Variants in EIF4A2 observed in about 807,000 individuals in gnomAD.
EIF4A2 encodes the protein eukaryotic translation initiation factor 4A2, also known as eukaryotic initiation factor 4A-II.
A neutral mutation model predicts 50.6 loss-of-function variants in EIF4A2; 9 were observed. The ratio of observed to expected loss-of-function variants is 0.18; its 90% confidence interval spans 0.11 to 0.31. EIF4A2 has a LOEUF of 0.31. Ranked by LOEUF, EIF4A2 falls within the 10% of genes least tolerant of loss-of-function variation. EIF4A2 has a pLI of 1.00. For missense variants in EIF4A2, 182 were observed against 501.8 expected, an observed-to-expected ratio of 0.36 and a Z score of 6.09; for synonymous variants, 215 against 164.4, an observed-to-expected ratio of 1.31 and a Z score of -2.35.
Position 186,785,062 on chromosome 3 carries a change from A to G in EIF4A2, c.309A>G (p.Gln103=), listed in dbSNP as rs753306564. The change falls in exon 4 of 11, where the codon CAA becomes CAG. Residue 103 remains glutamine, a synonymous_variant. Coordinates refer to ENST00000323963, the MANE Select transcript of EIF4A2 (RefSeq NM_001967.4). ...TGGAGATTGAGTTCAAGGAGACCCAAGCACTAGTATTGGCCCCCACCAGAG... is the reference window on the plus strand; with the variant it reads ...TGGAGATTGAGTTCAAGGAGACCCAGGCACTAGTATTGGCCCCCACCAGAG... The part of the protein sequence containing the change: ...QQLEIEFKET[Q]ALVLAPTREL... 3 of 1,614,192 alleles carry G rather than the reference A, an allele frequency of 1.9e-6. No individual in the cohort carries two copies. Among genetic ancestry groups the G allele is most frequent in the South Asian group, 2.2e-5 (2 of 91,076 alleles).
intron 8 of EIF4A2, 38 bp downstream of exon 8, chr3:186,787,302 G>A: frequency 1.2e-6 from 2 of 1,613,976 alleles, no homozygotes; most frequent in East Asian, 4.5e-5. Flanking sequence ...TTCCACTAAA[G>A]CAGGATTCAG....
intron 10 of EIF4A2, chr3:186,788,646 C>T (rs981590425): frequency 3.9e-5 from 9 of 228,322 alleles, no homozygotes; most frequent in Non-Finnish European, 5.2e-5. Context: ...GTTTGGGTTA[C>T]CATACCAAAT....
chr3:186,788,409 A>G (rs747922491), intron 10 of EIF4A2: 4 of 1,276,488 alleles, frequency 3.1e-6, no homozygotes, highest in Non-Finnish European at 4.1e-6. Context: ...TGTTTGAATA[A>G]AGAGCGAGTC....
At chr3:186,784,399 A>AGGG in intron 1 of EIF4A2, 33 bp from the exon 2 acceptor site, 1 of 1,614,164 alleles carries the variant, frequency 6.2e-7, no homozygotes. Flanking sequence ...GTGGCCTGGA[A>AGGG]GGGGTGTCTG....
chr3:186,784,338 T>C, intron 1 of EIF4A2, 94 bp from the exon 2 acceptor site: 2 of 1,579,962 alleles, frequency 1.3e-6, no homozygotes, highest in African/African-American at 1.3e-5. Context: ...CAGGGGAGGC[T>C]AACGTGCTGA....
intron 4 of EIF4A2, 67 bp downstream of exon 4, chr3:186,785,168 A>G: frequency 6.3e-7 from 1 of 1,591,872 alleles, no homozygotes; most frequent in South Asian, 1.1e-5. Context: ...ACAACTGTGA[A>G]GAATTTAAAA....
At chr3:186,787,921 A>G (rs779014864) in intron 10 of EIF4A2, 39 bp downstream of exon 10, 2 of 1,601,460 alleles carry the variant, frequency 1.2e-6, no homozygotes, top group South Asian at 1.1e-5. Context: ...AAAAAAATTC[A>G]TACGTTTTTC....
At chr3:186,786,414 G>A (rs62294447) in intron 6 of EIF4A2, 88 bp from the exon 7 acceptor site, 33,505 of 1,558,676 alleles carry the variant, frequency 0.021, 471 homozygotes, top group Non-Finnish European at 0.024. Flanking sequence ...CCTTCATTCC[G>A]TAGTAAGACA....
chr3:186,784,130 C>G (rs1183788191), intron 1 of EIF4A2: 5 of 513,486 alleles, frequency 9.7e-6, no homozygotes, highest in African/African-American at 5.7e-5. Flanking sequence ...GCCGCTCCGC[C>G]CGCGTCAATC....
intron 1 of EIF4A2, chr3:186,784,127 C>T: frequency 2.0e-6 from 1 of 509,114 alleles, no homozygotes; most frequent in Non-Finnish European, 3.5e-6. Flanking sequence ...CAGGCCGCTC[C>T]GCCCGCGTCA....
chr3:186,786,419 A>C, intron 6 of EIF4A2, 83 bp from the exon 7 acceptor site: 2 of 1,562,634 alleles, frequency 1.3e-6, no homozygotes, highest in Non-Finnish European at 1.7e-6. Flanking sequence ...ATTCCGTAGT[A>C]AGACAGAGAC....
At chr3:186,787,396 C>T in intron 8 of EIF4A2, 99 bp from the exon 9 acceptor site, 1 of 1,598,476 alleles carries the variant, frequency 6.3e-7, no homozygotes, top group Admixed American at 1.7e-5. Context: ...GTCTGCTATT[C>T]TCCTGTAGCA....
intron 10 of EIF4A2, 168 bp downstream of exon 10, chr3:186,788,050 G>T: frequency 1.2e-6 from 1 of 810,408 alleles, no homozygotes; most frequent in Non-Finnish European, 1.9e-6. Context: ...GAACAAAGTG[G>T]GAAAACTTGT....
intron 10 of EIF4A2, 151 bp downstream of exon 10, chr3:186,788,033 T>C (rs560476145): frequency 3.4e-5 from 30 of 882,128 alleles, no homozygotes; most frequent in Middle Eastern, 2.7e-4. Context: ...CTAGGGAAGG[T>C]TGATGAGAAC....
In EIF4A2 at chr3:186,787,105, C is replaced by CT. The variant is rs758402717; in HGVS notation, c.772-19dup. The CT allele has an allele frequency of 1.2e-5, 20 of 1,612,054 alleles. No individual in the cohort carries two copies. The African/African-American group carries it at 1.9e-4, about 15-fold the overall frequency. The stretch of plus-strand genomic sequence containing the variant: ...GTTGGAAAAACTAAATGACTGTTAA[C>CT]TTTAACTTCTAAACATTACAGGAAT... On this transcript the variant is annotated intron_variant, in intron 7 of 10. Transcript: ENST00000323963.
intron 1 of EIF4A2, chr3:186,783,840 C>CTTT: frequency 1.3e-6 from 1 of 778,136 alleles, no homozygotes; most frequent in Non-Finnish European, 2.0e-6. Context: ...AAAGCAGTGG[C>CTTT]TAAAGGGCGT....
intron 10 of EIF4A2, 55 bp from the exon 11 acceptor site, chr3:186,789,066 ATGTT>A: frequency 6.4e-7 from 1 of 1,557,952 alleles, no homozygotes; most frequent in Admixed American, 1.9e-5. Context: ...GTGGATCGTC[ATGTT>A]CAGTAGTTTA....
chr3:186,784,309 G>A, intron 1 of EIF4A2, 123 bp from the exon 2 acceptor site: 4 of 1,408,278 alleles, frequency 2.8e-6, no homozygotes, highest in Admixed American at 1.8e-5. Flanking sequence ...TCGCCCTGAG[G>A]CTGCTGCTTT....
At position 186,784,581 on chromosome 3, in the gene EIF4A2, T is replaced by A. The variant is rs1721582682; in HGVS notation, c.93T>A (p.Ile31=). 1.2e-6 allele frequency: 2 copies of A among 1,614,118 alleles called. No homozygotes were observed. The highest frequency in any genetic ancestry group is 1.3e-5 in the African/African-American group (1 of 74,954). ...DGVIESNWNE[I]VDNFDDMNLK... ...ACTTACAGAGCAACTGGAATGAGAT[T>A]GTTGATAACTTTGATGATATGAATT... The change falls in exon 3 of 11, where the codon ATT becomes ATA. Residue 31 remains isoleucine, a synonymous_variant. Coordinates refer to ENST00000323963, the MANE Select transcript of EIF4A2 (RefSeq NM_001967.4).
Sources: allele counts gnomAD v4.1 joint callset, GRCh38; gene constraint gnomAD v4.1.1; transcripts MANE v1.5; gene names NCBI Gene and HGNC (gene_info 2026-07-23, HGNC 2026-07-21).